NKAIN2: variants seen among roughly 807,000 people sequenced by gnomAD.
NKAIN2 encodes sodium/potassium transporting ATPase interacting 2, also known as sodium/potassium-transporting ATPase subunit beta-1-interacting protein 2.
In NKAIN2, 14 loss-of-function variants were observed where a neutral mutation model predicts 32.6. The ratio of observed to expected loss-of-function variants is 0.43; its 90% CI spans 0.28 to 0.67. The LOEUF is 0.67. NKAIN2 is among the 30% of genes least tolerant of loss of function. NKAIN2 has a pLI of 0.17. For missense variants in NKAIN2, 198 were observed against 258.3 expected (o/e 0.77, Z 1.60); for synonymous variants, 80 against 87.2 (o/e 0.92, Z 0.46).
At chr6:124,585,807 C>G (rs980617382) in intron 3 of NKAIN2, among the ~76,000 whole-genome samples, 2 of 151,932 alleles carry the variant, frequency 1.3e-5, no homozygotes, top group Middle Eastern at 3.2e-3. Context: ...AAAATTTACC[C>G]TTTTTAGTGA....
chr6:124,336,417 T>C (rs1797859649), intron 2 of NKAIN2, among the ~76,000 whole-genome samples: 1 of 152,304 alleles, frequency 6.6e-6, no homozygotes, highest in Admixed American at 6.5e-5. Flanking sequence ...GAACAGAGTG[T>C]TATACAAGGA....
chr6:124,128,896 A>G (rs1477926314), intron 1 of NKAIN2, among the ~76,000 whole-genome samples: 1 of 152,038 alleles, frequency 6.6e-6, no homozygotes, highest in Non-Finnish European at 1.5e-5. Flanking sequence ...TCATCCTACC[A>G]CCCCTCTAAA....
intron 1 of NKAIN2, among the ~76,000 whole-genome samples, chr6:124,032,272 G>A (rs565677135): frequency 9.6e-6 from 1 of 104,378 alleles, no homozygotes; most frequent in Admixed American, 1.4e-4. Flanking sequence ...GGGGTGGGGG[G>A]AGGGGGGAGG....
intron 1 of NKAIN2, among the ~76,000 whole-genome samples, chr6:123,899,648 C>G (rs1344847108): frequency 6.6e-6 from 1 of 152,200 alleles, no homozygotes; most frequent in Non-Finnish European, 1.5e-5. Context: ...TTTAGTCTGT[C>G]TCATGATGTA....
At position 124,334,483 on chromosome 6, in the gene NKAIN2, G is replaced by A. The variant is rs1161182860; in HGVS notation, c.193-20784G>A. Among the ~76,000 whole-genome samples the A allele has an allele frequency of 2.0e-5, 3 of 152,014 alleles. No homozygotes were observed. The East Asian group carries it at 5.8e-4, about 29-fold the overall frequency. ...AAGAAAGATAATTTGGTGGGTAGGGGGCCAGGGAGTGCAGACTACTGATTG... is the reference window on the plus strand; with the variant it reads ...AAGAAAGATAATTTGGTGGGTAGGGAGCCAGGGAGTGCAGACTACTGATTG... On this transcript the variant is annotated intron_variant, in intron 2 of 6. Coordinates refer to ENST00000368417, the MANE Select transcript of NKAIN2 (RefSeq NM_001040214.3).
At chr6:124,378,529 T>G (rs1344475139) in intron 3 of NKAIN2, among the ~76,000 whole-genome samples, 1 of 152,164 alleles carries the variant, frequency 6.6e-6, no homozygotes, top group Non-Finnish European at 1.5e-5. Flanking sequence ...TTTCAGGATG[T>G]TGCATTCCCA....
chr6:124,443,381 A>AACAGTATATTGGAGT (rs1775769502), intron 3 of NKAIN2, among the ~76,000 whole-genome samples: 1 of 152,150 alleles, frequency 6.6e-6, no homozygotes, highest in African/African-American at 2.4e-5. Context: ...AAAAATAATT[A>AACAGTATATTGGAGT]ACAGTATATT....
At position 124,166,506 on chromosome 6, in the gene NKAIN2, A is replaced by C. The variant is rs1467740924; in HGVS notation, c.55-116499A>C. 2.0e-5 allele frequency among the ~76,000 whole-genome samples: 3 copies of C among 150,366 alleles called. No homozygotes were observed. In the South Asian group the frequency reaches 6.3e-4, roughly 32 times the overall value. On this transcript the variant is annotated intron_variant, in intron 1 of 6. Coordinates refer to ENST00000368417, the MANE Select transcript of NKAIN2 (RefSeq NM_001040214.3). ...GATGGTAGTTTCTTTTGCTGTGCAGAAGCTCTTTAGTTTCATTAGATCCCA... is the reference window on the plus strand; with the variant it reads ...GATGGTAGTTTCTTTTGCTGTGCAGCAGCTCTTTAGTTTCATTAGATCCCA...
intron 4 of NKAIN2, among the ~76,000 whole-genome samples, chr6:124,679,740 T>TA: frequency 6.6e-6 from 1 of 152,190 alleles, no homozygotes; most frequent in Non-Finnish European, 1.5e-5. Context: ...TAATGGTTTT[T>TA]AAAAGTCTCT....
chr6:124,796,233 G>T (rs1193640580), intron 5 of NKAIN2, among the ~76,000 whole-genome samples: 1 of 152,144 alleles, frequency 6.6e-6, no homozygotes, highest in Non-Finnish European at 1.5e-5. Flanking sequence ...CAAAATCTAG[G>T]TGTTAGAAAC....
chr6:123,930,780 G>A (rs1402003233), intron 1 of NKAIN2, among the ~76,000 whole-genome samples: 2 of 152,154 alleles, frequency 1.3e-5, no homozygotes. Context: ...CAGAGTAAGT[G>A]TAAGATGTCC....
intron 1 of NKAIN2, among the ~76,000 whole-genome samples, chr6:123,910,499 G>GTTTTTTTTTTTTGTTTTTT (rs1775118616): frequency 1.2e-5 from 1 of 81,314 alleles, no homozygotes; most frequent in African/African-American, 5.0e-5. Context: ...TGCAATGCAT[G>GTTTTTTTTTTTTGTTTTTT]TTTTTTTTTT....
intron 1 of NKAIN2, among the ~76,000 whole-genome samples, chr6:123,832,181 CTG>C (rs1450431804): frequency 1.3e-5 from 2 of 152,198 alleles, no homozygotes; most frequent in Non-Finnish European, 2.9e-5. Flanking sequence ...TTTACTGTCT[CTG>C]TAGGTTTTCC....
chr6:124,511,807 C>T (rs1157355535), intron 3 of NKAIN2, among the ~76,000 whole-genome samples: 2 of 152,082 alleles, frequency 1.3e-5, no homozygotes, highest in African/African-American at 4.8e-5. Context: ...TTAAATCTTG[C>T]CCTCTTTTCA....
chr6:124,414,488 C>A (rs1774370543), intron 3 of NKAIN2, among the ~76,000 whole-genome samples: 1 of 152,086 alleles, frequency 6.6e-6, no homozygotes, highest in Non-Finnish European at 1.5e-5. Context: ...CTTGTCCAAT[C>A]TTGATAGGAG....
chr6:124,526,820 C>G (rs955702666), intron 3 of NKAIN2, among the ~76,000 whole-genome samples: 1 of 152,036 alleles, frequency 6.6e-6, no homozygotes, highest in Non-Finnish European at 1.5e-5. Flanking sequence ...ACTATCAGGG[C>G]AGTGGGAGTA....
chr6:124,258,074 T>A (rs1794037194), intron 1 of NKAIN2, among the ~76,000 whole-genome samples: 1 of 151,938 alleles, frequency 6.6e-6, no homozygotes, highest in African/African-American at 2.4e-5. Context: ...GCCACCGTGC[T>A]GGCCAATTCA....
At chr6:124,232,490 T>C (rs1377240495) in intron 1 of NKAIN2, among the ~76,000 whole-genome samples, 1 of 152,108 alleles carries the variant, frequency 6.6e-6, no homozygotes, top group Non-Finnish European at 1.5e-5. Context: ...AGTATATAGA[T>C]TCGATTGAAA....
intron 1 of NKAIN2, among the ~76,000 whole-genome samples, chr6:124,070,969 G>A (rs1858234): frequency 0.61 from 92,034 of 151,994 alleles, 28,563 homozygotes; most frequent in African/African-American, 0.73. Context: ...TATACACACT[G>A]CCTTTGCCTC....
Sources: gnomAD v4.1 joint callset for allele counts (sites outside exome capture counted in the v4.1 genomes callset) on GRCh38, gnomAD v4.1.1 for gene constraint, MANE v1.5 for transcripts, NCBI Gene and HGNC (gene_info 2026-07-23, HGNC 2026-07-21) for gene names.